ZNF608: variants seen among roughly 807,000 people sequenced by gnomAD.
The protein encoded by ZNF608 is renal carcinoma antigen NY-REN-36.
A neutral mutation model predicts 109.0 loss-of-function variants in ZNF608; 12 were observed. The ratio of observed to expected loss-of-function variants is 0.11; its 90% CI spans 0.07 to 0.18. The LOEUF is 0.18. ZNF608 is among the 10% of genes least tolerant of loss of function. ZNF608 has a pLI of 1.00. For synonymous variants in ZNF608, 732 were observed against 717.4 expected (o/e 1.02, Z -0.33); for missense variants, 1,707 against 1,879.3 (o/e 0.91, Z 1.70).
At chr5:124,711,143 C>CA (rs1316764066) in intron 2 of ZNF608, among the ~76,000 whole-genome samples, 13 of 151,934 alleles carry the variant, frequency 8.6e-5, no homozygotes, top group Admixed American at 6.6e-5. Flanking sequence ...GAGGCCTACA[C>CA]AAAAAAAAGC....
chr5:124,706,299 G>C (rs1431188542), intron 2 of ZNF608, among the ~76,000 whole-genome samples: 1 of 152,200 alleles, frequency 6.6e-6, no homozygotes, highest in Non-Finnish European at 1.5e-5. Context: ...TACTACAGAA[G>C]ATCATACAAA....
chr5:124,740,530 A>C (rs1002566965), intron 2 of ZNF608, among the ~76,000 whole-genome samples: 6 of 152,092 alleles, frequency 3.9e-5, no homozygotes, highest in African/African-American at 1.4e-4. Context: ...AAAAAGCATA[A>C]TGTCCACAAA....
In ZNF608 at chr5:124,649,767, AT is replaced by A. The variant is rs745423121; in HGVS notation, c.1163-71del. 4.5e-5 allele frequency: 45 copies of A among 1,010,372 alleles called. No homozygotes were observed. The East Asian group carries it at 1.2e-3, about 26-fold the overall frequency. The allele number at this position is 1,010,372 out of a possible 1,614,324, so 62.6% of individuals were successfully genotyped here. A position where few individuals can be genotyped will look rare whatever the true frequency, so the allele number is the denominator to read the frequency against. On this transcript the variant is annotated intron_variant, in intron 3 of 9. Transcript: ENST00000513986. ...TACTGTTATTTCCAGTTCACTTATT[AT>A]TTTTTTCTCTTTTTTTTGCCAGCAA...
intron 3 of ZNF608, among the ~76,000 whole-genome samples, chr5:124,692,886 A>G (rs1441343206): frequency 6.6e-6 from 1 of 152,236 alleles, no homozygotes; most frequent in Non-Finnish European, 1.5e-5. Context: ...GCCTGGCACA[A>G]AGTAAGTACT....
intron 2 of ZNF608, among the ~76,000 whole-genome samples, chr5:124,722,358 C>A (rs1753960722): frequency 6.6e-6 from 1 of 152,102 alleles, no homozygotes. Context: ...ACTACTTAAG[C>A]AATTCATTTG....
At chr5:124,725,015 G>A (rs1044613505) in intron 2 of ZNF608, among the ~76,000 whole-genome samples, 2 of 151,928 alleles carry the variant, frequency 1.3e-5, no homozygotes, top group African/African-American at 2.4e-5. Flanking sequence ...TCATCTTCTG[G>A]AACTCTCCTC....
At chr5:124,652,037 C>T (rs568083040) in intron 3 of ZNF608, among the ~76,000 whole-genome samples, 7 of 152,378 alleles carry the variant, frequency 4.6e-5, no homozygotes, top group Middle Eastern at 6.8e-3. Flanking sequence ...ACGCAGAACC[C>T]TCAGAACGAA....
chr5:124,642,500 GA>G (rs747316403), intron 7 of ZNF608, among the ~76,000 whole-genome samples: 2 of 152,104 alleles, frequency 1.3e-5, no homozygotes, highest in Non-Finnish European at 2.9e-5. Flanking sequence ...ATGTGAATAT[GA>G]AGGGTCAATA....
chr5:124,707,440 C>A (rs1753307763), intron 2 of ZNF608, among the ~76,000 whole-genome samples: 1 of 152,206 alleles, frequency 6.6e-6, no homozygotes, highest in Non-Finnish European at 1.5e-5. Flanking sequence ...AATATCCACA[C>A]CGATCCTGCT....
intron 3 of ZNF608, among the ~76,000 whole-genome samples, chr5:124,692,732 C>A (rs750344518): frequency 6.6e-6 from 1 of 152,208 alleles, no homozygotes; most frequent in South Asian, 2.1e-4. Flanking sequence ...GACTCTCCCC[C>A]ACTTGCCAGG....
intron 2 of ZNF608, among the ~76,000 whole-genome samples, chr5:124,727,091 T>C (rs1037513241): frequency 1.4e-4 from 21 of 152,208 alleles, no homozygotes; most frequent in Admixed American, 3.3e-4. Flanking sequence ...CCTTTACCTA[T>C]AGTTCCTAGC....
At chr5:124,702,813 A>G (rs1464603416) in intron 2 of ZNF608, among the ~76,000 whole-genome samples, 1 of 152,226 alleles carries the variant, frequency 6.6e-6, no homozygotes, top group Non-Finnish European at 1.5e-5. Flanking sequence ...TTGATCACAG[A>G]GCCCAGGAAA....
At chr5:124,708,357 G>T (rs1753345254) in intron 2 of ZNF608, among the ~76,000 whole-genome samples, 1 of 152,210 alleles carries the variant, frequency 6.6e-6, no homozygotes, top group Admixed American at 6.5e-5. Context: ...GGTCACTCAG[G>T]GTCGGTGGCT....
At chr5:124,699,090 T>C (rs1028442631) in intron 3 of ZNF608, among the ~76,000 whole-genome samples, 1 of 152,216 alleles carries the variant, frequency 6.6e-6, no homozygotes, top group African/African-American at 2.4e-5. Flanking sequence ...TTTAGGGAAA[T>C]TACCCTTACA....
upstream of ZNF608, chr5:124,748,426 C>T (rs927357104): frequency 5.1e-6 from 3 of 589,808 alleles, no homozygotes; most frequent in African/African-American, 6.1e-5. Context: ...ATGCAAAAGC[C>T]AAACCCTGTA....
chr5:124,682,941 C>T (rs1752252873), intron 3 of ZNF608, among the ~76,000 whole-genome samples: 2 of 152,042 alleles, frequency 1.3e-5, no homozygotes. Flanking sequence ...TTACTTATAA[C>T]GAACAGAAGT....
At chr5:124,742,160 AC>A (rs892351993) in intron 2 of ZNF608, among the ~76,000 whole-genome samples, 17 of 152,010 alleles carry the variant, frequency 1.1e-4, no homozygotes, top group Non-Finnish European at 2.1e-4. Context: ...TCCATTCTTC[AC>A]CCAGTTTCCT....
chr5:124,643,005 A>T (rs1458790451), intron 7 of ZNF608, among the ~76,000 whole-genome samples: 2 of 152,030 alleles, frequency 1.3e-5, no homozygotes, highest in Non-Finnish European at 2.9e-5. Context: ...CAGATTTTCT[A>T]TTGTCTTAAG....
intron 2 of ZNF608, chr5:124,735,225 A>T (rs1749088893): frequency 1.3e-5 from 2 of 152,274 alleles, no homozygotes; most frequent in Admixed American, 6.5e-5. Context: ...TTGGAAGCAG[A>T]TTAGAATTCT....
Sources: allele counts gnomAD v4.1 joint callset (sites outside exome capture counted in the v4.1 genomes callset), GRCh38; gene constraint gnomAD v4.1.1; transcripts MANE v1.5; gene names NCBI Gene and HGNC (gene_info 2026-07-23, HGNC 2026-07-21).